The following NHSL1 variants were observed in gnomAD, a reference collection of about 807,000 sequenced individuals.
The protein encoded by NHSL1 is NHS like 1, also known as NHS-like protein 1.
NHSL1 carries 48 observed loss-of-function variants against 95.0 expected under a neutral mutation model. That is an observed-to-expected ratio of 0.51 (90% confidence interval 0.40 to 0.64). The LOEUF (loss-of-function observed/expected upper bound fraction) is 0.64, where lower values mean the gene tolerates loss of function less well. NHSL1 is among the 30% of genes least tolerant of loss of function. The pLI is 0.00. For synonymous variants in NHSL1, 783 were observed against 833.9 expected, an observed-to-expected ratio of 0.94 and a Z score of 1.05; for missense variants, 1,971 against 2,077.7, an observed-to-expected ratio of 0.95 and a Z score of 1.00.
chr6:138,666,025 C>T (rs6920207), intron 1 of NHSL1, among the ~76,000 whole-genome samples: 6,106 of 152,304 alleles, frequency 0.04, 319 homozygotes, highest in African/African-American at 0.12. Context: ...AAGAATTGGC[C>T]GGGTGCAGTG....
chr6:138,681,172 G>C (rs1321299027), intron 1 of NHSL1, among the ~76,000 whole-genome samples: 1 of 151,888 alleles, frequency 6.6e-6, no homozygotes, highest in Non-Finnish European at 1.5e-5. Flanking sequence ...ATGAAGAAGA[G>C]CAACAGGATA....
intron 1 of NHSL1, among the ~76,000 whole-genome samples, chr6:138,662,508 A>G (rs1785239738): frequency 2.0e-5 from 3 of 152,246 alleles, no homozygotes; most frequent in African/African-American, 7.2e-5. Context: ...TATATCCTCC[A>G]AAGCCTGGGA....
rs1785691975 is a variant in NHSL1 at position 138,692,408 on chromosome 6, G to A, written c.96+68C>T. 7.7e-6 allele frequency: 2 copies of A among 258,808 alleles called. No individual in the cohort carries two copies. The highest frequency in any genetic ancestry group is 7.5e-6 in the Non-Finnish European group (1 of 133,172). The allele number at this position is 258,808 out of a possible 1,614,324, so 16.0% of individuals were successfully genotyped here. A position where few individuals can be genotyped will look rare whatever the true frequency, so the allele number is the denominator to read the frequency against. ...CGCGCCGACCCAGGGCCGCCAGGGGGCGGGCGGGAGCAGCTCTCCGGGTGC... is the reference window on the plus strand; with the variant it reads ...CGCGCCGACCCAGGGCCGCCAGGGGACGGGCGGGAGCAGCTCTCCGGGTGC... On this transcript the variant is annotated intron_variant, in intron 1 of 3. Transcript: ENST00000491526. The surrounding 1 kb of genome is among the most constrained non-coding windows in gnomAD (Gnocchi z 4.0).
chr6:138,692,779 G>A (rs1425311506), upstream of NHSL1, among the ~76,000 whole-genome samples: 1 of 150,772 alleles, frequency 6.6e-6, no homozygotes, highest in Non-Finnish European at 1.5e-5. The surrounding 1 kb of genome is among the most constrained non-coding windows in gnomAD (Gnocchi z 4.0). Context: ...GGGGCGGGCC[G>A]GCGGCGCGGG....
chr6:138,629,442 T>C, intron 1 of NHSL1, among the ~76,000 whole-genome samples: 1 of 151,806 alleles, frequency 6.6e-6, no homozygotes, highest in East Asian at 1.9e-4. Context: ...GAGTGCAGTG[T>C]CGCGATCTCG....
At chr6:138,637,213 G>A (rs1234873583) in intron 1 of NHSL1, among the ~76,000 whole-genome samples, 1 of 152,100 alleles carries the variant, frequency 6.6e-6, no homozygotes, top group Non-Finnish European at 1.5e-5. Context: ...AATGAAACTA[G>A]ATCCCGTATC....
chr6:138,640,170 G>A (rs77415086), intron 1 of NHSL1, among the ~76,000 whole-genome samples: 7,992 of 151,994 alleles, frequency 0.053, 247 homozygotes, highest in South Asian at 0.076. Context: ...TAGCATCTTG[G>A]TGCCCATCTA....
In NHSL1 at chr6:138,561,833, C is replaced by T. The variant is rs145269082; in HGVS notation, c.202+9877G>A. ...GGGGGAAGATGGTCTCAGACAACTG[C>T]TTGCCTAGGCAAGCATTCACCATTT... On this transcript the variant is annotated intron_variant, in intron 1 of 6. Transcript: ENST00000427025. 5.0e-3 allele frequency among the ~76,000 whole-genome samples: 769 copies of T among 152,358 alleles called. 9 individuals carry two copies. Among genetic ancestry groups the T allele is most frequent in the African/African-American group, 0.018 (729 of 41,576 alleles).
intron 1 of NHSL1, among the ~76,000 whole-genome samples, chr6:138,608,212 G>C (rs780422843): frequency 2.6e-5 from 4 of 152,214 alleles, no homozygotes; most frequent in Admixed American, 6.5e-5. Flanking sequence ...TAACATGTCT[G>C]CCTGTCAGAA....
intron 1 of NHSL1, among the ~76,000 whole-genome samples, chr6:138,606,105 C>A (rs919935468): frequency 1.3e-5 from 2 of 152,086 alleles, no homozygotes; most frequent in Non-Finnish European, 2.9e-5. Flanking sequence ...ACAAGTTGTT[C>A]CTGCATTCTC....
intron 1 of NHSL1, among the ~76,000 whole-genome samples, chr6:138,638,954 A>G (rs1784924490): frequency 6.6e-6 from 1 of 152,254 alleles, no homozygotes; most frequent in Admixed American, 6.5e-5. Flanking sequence ...GGATGGGGAT[A>G]AATAAGTTTG....
exon 1 of NHSL1, chr6:138,572,098 G>T (rs921820501): frequency 5.9e-5 from 33 of 556,034 alleles, no homozygotes; most frequent in Non-Finnish European, 9.1e-5. Context: ...GAAAAGGAGG[G>T]GTTAAGAAAG....
chr6:138,586,568 T>C lies in NHSL1; in HGVS notation c.97-90197A>G, dbSNP rs79878229. ...CAGCCACTTCCAGAAGACACACCCT[T>C]TACAAAATAAGATTACAATGAGGTC... On this transcript the variant is annotated intron_variant, in intron 1 of 3. Coordinates refer to the NHSL1 transcript ENST00000491526. Among the ~76,000 whole-genome samples the C allele has an allele frequency of 9.9e-3, 1,504 of 152,290 alleles. 18 individuals are homozygous for C. The highest frequency in any genetic ancestry group is 0.082 in the East Asian group (427 of 5,186).
At chr6:138,488,669 T>C (rs1384845075) in intron 2 of NHSL1, among the ~76,000 whole-genome samples, 1 of 152,218 alleles carries the variant, frequency 6.6e-6, no homozygotes, top group Non-Finnish European at 1.5e-5. Flanking sequence ...TCACCACCTT[T>C]AGGCAACGAT....
intron 1 of NHSL1, among the ~76,000 whole-genome samples, chr6:138,632,067 T>C (rs1222590476): frequency 1.3e-5 from 2 of 152,144 alleles, no homozygotes; most frequent in Admixed American, 6.5e-5. Context: ...TAAGAGAACA[T>C]TGGCAGTAGT....
In NHSL1 at chr6:138,433,625, G is replaced by A. The variant is rs1282851578; in HGVS notation, c.720C>T (p.His240=). ...ADGHSVYTPD[H]YSTLGRFNSC... ...TATTGAACCTTCCTAGTGTAGAGTA[G>A]TGATCAGGGGTGTACACTGAGTGGC... Residue 240 remains histidine, a synonymous_variant, in exon 6 of 8, where the codon CAC becomes CAT. Coordinates refer to ENST00000343505, the MANE Select transcript of NHSL1 (RefSeq NM_001144060.2). 16 of 1,551,922 alleles carry A rather than the reference G, an allele frequency of 1.0e-5. No individual in the cohort carries two copies. In the South Asian group the frequency reaches 1.9e-4, roughly 18 times the overall value.
intron 1 of NHSL1, among the ~76,000 whole-genome samples, chr6:138,609,749 C>CA (rs10687521): frequency 0.3 from 32,077 of 106,036 alleles, 4,742 homozygotes; most frequent in Middle Eastern, 0.38. Flanking sequence ...GACTCTGTCT[C>CA]AAAAAAAAAA....
intron 1 of NHSL1, among the ~76,000 whole-genome samples, chr6:138,597,440 T>C (rs922486439): frequency 6.6e-6 from 1 of 152,242 alleles, no homozygotes; most frequent in African/African-American, 2.4e-5. Context: ...GTGCTATTAA[T>C]CATCACGGAA....
chr6:138,692,914 G>A (rs933548130), upstream of NHSL1, among the ~76,000 whole-genome samples: 8 of 150,998 alleles, frequency 5.3e-5, no homozygotes, highest in Non-Finnish European at 1.5e-5. The surrounding 1 kb of genome is among the most constrained non-coding windows in gnomAD (Gnocchi z 4.0). Context: ...GAGGCCGGGC[G>A]GGCAGGAAGG....
Sources: gnomAD v4.1 joint callset for allele counts (sites outside exome capture counted in the v4.1 genomes callset) on GRCh38, gnomAD v4.1.1 for gene constraint, Gnocchi (gnomAD v3.1) non-coding constraint, MANE v1.5 for transcripts, NCBI Gene and HGNC (gene_info 2026-07-23, HGNC 2026-07-21) for gene names.